The following ECM2 variants were observed in gnomAD, a reference collection of about 807,000 sequenced individuals.
ECM2 encodes the protein extracellular matrix protein 2, female organ and adipocyte specific.
ECM2 carries 57 observed loss-of-function variants against 67.5 expected under a neutral mutation model. The observed-to-expected ratio is 0.84, with a 90% CI of 0.68 to 1.05. ECM2 has a LOEUF of 1.05. Among genes scored for constraint, ECM2 ranks in the 50% least tolerant of loss-of-function variants. The pLI, the probability that ECM2 is intolerant of heterozygous loss-of-function variation, is 0.00. For missense variants in ECM2, 741 were observed against 822.8 expected, an observed-to-expected ratio of 0.90 and a Z score of 1.22; for synonymous variants, 258 against 294.5, an observed-to-expected ratio of 0.88 and a Z score of 1.27.
At chr9:92,512,265 A>G (rs1008325317) in intron 4 of ECM2, 139 bp from the exon 5 acceptor site, 1 of 484,264 alleles carries the variant, frequency 2.1e-6, no homozygotes, top group Non-Finnish European at 3.7e-6. Context: ...GACAGAATAT[A>G]TATTATATAA....
At chr9:92,526,518 A>G (rs540486193) in intron 1 of ECM2, among the ~76,000 whole-genome samples, 2 of 152,190 alleles carry the variant, frequency 1.3e-5, no homozygotes, top group African/African-American at 4.8e-5. Flanking sequence ...TACATCGTAA[A>G]GAACTAGAAA....
chr9:92,513,101 C>T (rs1055752386), intron 4 of ECM2, among the ~76,000 whole-genome samples: 4 of 152,290 alleles, frequency 2.6e-5, no homozygotes, highest in African/African-American at 9.6e-5. Flanking sequence ...CAGGGACACC[C>T]GTGGCATGGG....
intron 6 of ECM2, among the ~76,000 whole-genome samples, chr9:92,506,805 A>G (rs1369104265): frequency 1.3e-5 from 2 of 152,216 alleles, no homozygotes; most frequent in Non-Finnish European, 2.9e-5. Context: ...GGGTTTGCTC[A>G]GGGAGAGAGG....
chr9:92,551,927 A>C, the ECM2 span, among the ~76,000 whole-genome samples: 26 of 69,804 alleles, frequency 3.7e-4, 1 homozygote, highest in African/African-American at 9.9e-4. Context: ...GTGTGTGTGT[A>C]TATATATATA....
intron 3 of ECM2, among the ~76,000 whole-genome samples, chr9:92,515,531 A>G (rs1217291753): frequency 6.6e-6 from 1 of 152,192 alleles, no homozygotes; most frequent in Non-Finnish European, 1.5e-5. Context: ...ATGGTAAGCA[A>G]TCCTGTTGTG....
intron 1 of ECM2, among the ~76,000 whole-genome samples, chr9:92,534,594 T>G (rs1272520995): frequency 1.3e-5 from 2 of 152,204 alleles, no homozygotes; most frequent in Admixed American, 6.5e-5. Context: ...CTACTTTAGT[T>G]TTAGAAAAAT....
intron 1 of ECM2, 114 bp from the exon 2 acceptor site, chr9:92,523,007 T>G (rs1341654798): frequency 7.1e-6 from 7 of 992,298 alleles, no homozygotes; most frequent in Non-Finnish European, 1.0e-5. Context: ...ATTACACTTA[T>G]GATATATGGA....
chr9:92,533,325 AAAAATATATATATATATATATATAT>A (rs1848954535), intron 1 of ECM2, among the ~76,000 whole-genome samples: 1 of 93,132 alleles, frequency 1.1e-5, no homozygotes, highest in African/African-American at 4.2e-5. Flanking sequence ...AAAAAAAAAA[AAAAATATATATATATATATATATAT>A]ATATATATGC....
the ECM2 span, among the ~76,000 whole-genome samples, chr9:92,553,563 G>T: frequency 6.6e-6 from 1 of 152,052 alleles, no homozygotes; most frequent in African/African-American, 2.4e-5. Flanking sequence ...CCATTTCTTT[G>T]TGTCATCTAT....
chr9:92,558,995 C>T, the ECM2 span, among the ~76,000 whole-genome samples: 1 of 152,024 alleles, frequency 6.6e-6, no homozygotes, highest in Non-Finnish European at 1.5e-5. Flanking sequence ...CCAACAGCCC[C>T]AAGTCTGTTT....
intron 1 of ECM2, among the ~76,000 whole-genome samples, chr9:92,533,966 C>T (rs753978602): frequency 2.0e-5 from 3 of 151,648 alleles, no homozygotes; most frequent in Non-Finnish European, 2.9e-5. Context: ...GAAGTTTTAC[C>T]TTGGTAAAAG....
chr9:92,496,097 A>C lies in ECM2; in HGVS notation c.*218T>G. ...AGTGAGATGGCCTCTTTCTAGAGGT[A>C]GGAAACTGAGAGATTTTACCTTTAC... On this transcript the variant is annotated 3_prime_UTR_variant, in exon 10 of 10. Transcript: ENST00000344604. 8.5e-7 allele frequency: 1 copy of C among 1,172,830 alleles called. No homozygotes were observed. The highest frequency in any genetic ancestry group is 1.1e-6 in the Non-Finnish European group (1 of 951,410). 72.7% of individuals were successfully genotyped at this position (1,172,830 alleles called of 1,614,324 possible).
chr9:92,494,266 T>A, downstream of ECM2: 2 of 905,964 alleles, frequency 2.2e-6, no homozygotes, highest in Non-Finnish European at 3.2e-6. Context: ...CCTTTAATAC[T>A]AATTTTGTTT....
Position 92,515,215 on chromosome 9 carries a change from G to C in ECM2, c.482-12C>G. 1 of 1,536,400 alleles carries C rather than the reference G, an allele frequency of 6.5e-7. No individual in the cohort carries two copies. The highest frequency in any genetic ancestry group is 1.4e-5 in the African/African-American group (1 of 72,132). On this transcript the variant is annotated splice_polypyrimidine_tract_variant and intron_variant, in intron 3 of 9. Transcript: ENST00000344604. ...TAGAGAATAGGAGACTAATGACCACGCAAGGATGAGGTAGCAGAGATAAGT... is the reference window on the plus strand; with the variant it reads ...TAGAGAATAGGAGACTAATGACCACCCAAGGATGAGGTAGCAGAGATAAGT...
At position 92,515,033 on chromosome 9, in the gene ECM2, C is replaced by A. The variant is rs776123390; in HGVS notation, c.652G>T (p.Glu218Ter). Residue 218 changes from glutamate (E) to a stop codon, truncating the protein, a stop_gained, in exon 4 of 10, where the codon GAA becomes TAA. Coordinates refer to ENST00000344604, the MANE Select transcript of ECM2 (RefSeq NM_001393.4). LOFTEE classifies it high-confidence loss of function. ...TGCTCTGTATCTTCTTCTTTCACTTCTTCATCCTCCTCAGATTGAAGTGCT... is the reference window on the plus strand; with the variant it reads ...TGCTCTGTATCTTCTTCTTTCACTTATTCATCCTCCTCAGATTGAAGTGCT... ...KEALQSEEDEEVKEEDTEQKR... is the reference protein window; with the variant it reads ...KEALQSEEDE The A allele has an allele frequency of 4.3e-6, 7 of 1,614,170 alleles. No individual in the cohort carries two copies. The highest frequency in any genetic ancestry group is 2.2e-5 in the East Asian group (1 of 44,892).
intron 1 of ECM2, among the ~76,000 whole-genome samples, chr9:92,535,453 T>C (rs1471383033): frequency 1.3e-5 from 2 of 152,174 alleles, no homozygotes; most frequent in Non-Finnish European, 2.9e-5. Context: ...TATCCCAACA[T>C]TAAATATTAT....
At chr9:92,552,190 T>C in the ECM2 span, among the ~76,000 whole-genome samples, 1,798 of 105,216 alleles carry the variant, frequency 0.017, 80 homozygotes, top group African/African-American at 0.032. Flanking sequence ...ATCTATCATA[T>C]ACACACACAC....
the ECM2 span, among the ~76,000 whole-genome samples, chr9:92,551,170 G>A: frequency 6.6e-6 from 1 of 152,112 alleles, no homozygotes; most frequent in Admixed American, 6.5e-5. Flanking sequence ...AACCCCTCTT[G>A]TCCAGGTTTA....
rs1424424970 is a variant in ECM2 at position 92,495,819 on chromosome 9, C to T, written c.*496G>A. The T allele has an allele frequency of 3.7e-5, 35 of 955,654 alleles. No homozygotes were observed. The highest frequency in any genetic ancestry group is 2.5e-4 in the Admixed American group (4 of 16,208). The allele number at this position is 955,654 out of a possible 1,614,324, so 59.2% of individuals were successfully genotyped here. A position where few individuals can be genotyped will look rare whatever the true frequency, so the allele number is the denominator to read the frequency against. ...CCCCAATATTCAGTTATATTTATAC[C>T]AGTAATTATAGCACAGGACCTTATA... On this transcript the variant is annotated 3_prime_UTR_variant, in exon 10 of 10. Transcript: ENST00000344604.
Sources: allele counts gnomAD v4.1 joint callset (sites outside exome capture counted in the v4.1 genomes callset), GRCh38; gene constraint gnomAD v4.1.1; transcripts MANE v1.5; gene names NCBI Gene and HGNC (gene_info 2026-07-23, HGNC 2026-07-21).